The following SERINC5 variants were observed in gnomAD, a reference collection of about 807,000 sequenced individuals.
SERINC5 encodes serine incorporator 5.
SERINC5 carries 41 observed loss-of-function variants against 63.1 expected under a neutral mutation model. The observed-to-expected ratio is 0.65, with a 90% CI of 0.51 to 0.84. The LOEUF (loss-of-function observed/expected upper bound fraction) is 0.84. SERINC5 is among the 40% of genes least tolerant of loss of function. The pLI is 0.00. For missense variants in SERINC5, 523 were observed against 573.0 expected, an observed-to-expected ratio of 0.91 and a Z score of 0.89; for synonymous variants, 222 against 215.2, an observed-to-expected ratio of 1.03 and a Z score of -0.28.
At chr5:80,242,007 T>C (rs954490771) in intron 1 of SERINC5, among the ~76,000 whole-genome samples, 3 of 151,464 alleles carry the variant, frequency 2.0e-5, no homozygotes. Context: ...GATGCATATC[T>C]GTAGTCCTAG....
rs375595897 is a variant in SERINC5, at chr5:80,255,906, C to T, written c.17G>A (p.Cys6Tyr). The change falls in exon 1 of 12, where the codon TGT (cysteine) becomes TAT (tyrosine). Residue 6 changes from cysteine to tyrosine, a missense_variant. Physicochemically the swap from Cys to Tyr is radical, Grantham distance 194. Transcript: ENST00000507668. Reference sequence around the variant, plus strand: ...CCCGGCCTCGCTCACCTGGCCCGCACAGCACTGAGCTGACATCGCGGCGGC... The same window carrying T: ...CCCGGCCTCGCTCACCTGGCCCGCATAGCACTGAGCTGACATCGCGGCGGC... MSAQC[C>Y]AGQLACCCGS... 1.3e-6 allele frequency: 2 copies of T among 1,577,898 alleles called. No individual in the cohort carries two copies. The highest frequency in any genetic ancestry group is 1.7e-6 in the Non-Finnish European group (2 of 1,168,650).
At chr5:80,254,282 C>T (rs1752550220) in intron 1 of SERINC5, among the ~76,000 whole-genome samples, 1 of 152,182 alleles carries the variant, frequency 6.6e-6, no homozygotes, top group South Asian at 2.1e-4. Flanking sequence ...AGTGTGATCA[C>T]CATCACACAG....
chr5:80,219,473 T>C (rs1468055793), intron 1 of SERINC5, among the ~76,000 whole-genome samples: 1 of 152,180 alleles, frequency 6.6e-6, no homozygotes, highest in African/African-American at 2.4e-5. Flanking sequence ...AAGGAACGAA[T>C]AGGTGTGTGC....
chr5:80,149,480 C>A (rs558888767), intron 9 of SERINC5, among the ~76,000 whole-genome samples: 3 of 152,324 alleles, frequency 2.0e-5, no homozygotes, highest in South Asian at 4.1e-4. Flanking sequence ...ATGCCCATAT[C>A]TAGACAGACA....
chr5:80,177,714 T>G (rs1442885373), intron 3 of SERINC5, among the ~76,000 whole-genome samples, 172 bp downstream of exon 3: 1 of 152,152 alleles, frequency 6.6e-6, no homozygotes, highest in Non-Finnish European at 1.5e-5. Context: ...ACAAATAAGA[T>G]TCTACCTTTG....
intron 10 of SERINC5, among the ~76,000 whole-genome samples, chr5:80,146,912 T>C (rs777039060): frequency 2.0e-4 from 31 of 152,212 alleles, no homozygotes; most frequent in Non-Finnish European, 4.1e-4. Flanking sequence ...AGGAATGAAA[T>C]GGCCCCAAAA....
chr5:80,143,916 T>C, intron 11 of SERINC5, 106 bp from the exon 12 acceptor site: 1 of 1,294,718 alleles, frequency 7.7e-7, no homozygotes, highest in Non-Finnish European at 1.1e-6. Context: ...TTTCAATGTA[T>C]TCATACACAG....
Position 80,138,785 on chromosome 5 carries a change from T to C in SERINC5, c.*4878A>G. On this transcript the variant is annotated 3_prime_UTR_variant, in exon 12 of 12. Transcript: ENST00000507668. The stretch of plus-strand genomic sequence containing the variant: ...AATTAAAGGATCAGCATAGACTCCA[T>C]GAAACTTGAGAGACCTGATTAACAT... 1.0e-6 allele frequency: 1 copy of C among 982,240 alleles called. No individual in the cohort carries two copies. The highest frequency in any genetic ancestry group is 1.2e-6 in the Non-Finnish European group (1 of 827,024). The allele number at this position is 982,240 out of a possible 1,614,324, so 60.8% of individuals were successfully genotyped here. A position where few individuals can be genotyped will look rare whatever the true frequency, so the allele number is the denominator to read the frequency against.
downstream of SERINC5, among the ~76,000 whole-genome samples, chr5:80,135,636 T>C (rs1745140124): frequency 6.6e-6 from 1 of 152,030 alleles, no homozygotes; most frequent in Non-Finnish European, 1.5e-5. Context: ...TCAAGTAAAG[T>C]AAGGACGATG....
At chr5:80,121,844 G>A (rs150032651) in intron 11 of SERINC5, among the ~76,000 whole-genome samples, 145 of 152,076 alleles carry the variant, frequency 9.5e-4, no homozygotes, top group African/African-American at 3.4e-3. Flanking sequence ...TAGCTCTCAT[G>A]TGAACTTAAT....
intron 8 of SERINC5, among the ~76,000 whole-genome samples, chr5:80,154,174 T>C (rs560784941): frequency 6.6e-6 from 1 of 152,212 alleles, no homozygotes; most frequent in African/African-American, 2.4e-5. Flanking sequence ...GATTTCTTTT[T>C]CTTTCTTTCC....
At chr5:80,137,468 G>A (rs529155530), downstream of SERINC5, among the ~76,000 whole-genome samples, 4 of 151,328 alleles carry the variant, frequency 2.6e-5, no homozygotes, top group Non-Finnish European at 4.4e-5. Flanking sequence ...GTGAAACCCC[G>A]TCTCTACTAA....
rs190081965 is a variant in SERINC5 at position 80,224,208 on chromosome 5, C to A, written c.28-21155G>T. ...GGGCACAGTGGCTTATCCCTGTAAT[C>A]CCAGCACTTTGGGAGGCTGAGGCGA... On this transcript the variant is annotated intron_variant, in intron 1 of 11. Transcript: ENST00000507668. Among the ~76,000 whole-genome samples, 11 of 151,582 alleles carry A rather than the reference C, an allele frequency of 7.3e-5. No homozygotes were observed. In the East Asian group the frequency reaches 2.1e-3, roughly 30 times the overall value.
intron 6 of SERINC5, among the ~76,000 whole-genome samples, chr5:80,168,413 C>A (rs185474747): frequency 6.6e-6 from 1 of 152,196 alleles, no homozygotes; most frequent in South Asian, 2.1e-4. Flanking sequence ...GTTGGCCAGG[C>A]TAGTCTTGAA....
intron 7 of SERINC5, 59 bp from the exon 8 acceptor site, chr5:80,159,021 G>T: frequency 7.5e-6 from 12 of 1,592,242 alleles, no homozygotes; most frequent in Non-Finnish European, 1.0e-5. Flanking sequence ...GTAACGCACA[G>T]AAGCACTCAT....
At chr5:80,253,695 C>T (rs1197070144) in intron 1 of SERINC5, among the ~76,000 whole-genome samples, 3 of 152,150 alleles carry the variant, frequency 2.0e-5, no homozygotes, top group Non-Finnish European at 2.9e-5. Flanking sequence ...CAGACTCCCT[C>T]GGCAACCCTC....
At chr5:80,175,904 C>T (rs1031586262) in intron 4 of SERINC5, among the ~76,000 whole-genome samples, 32 of 148,816 alleles carry the variant, frequency 2.2e-4, no homozygotes, top group African/African-American at 3.8e-4. Context: ...CTTGGCCGGC[C>T]GCAGTGGCTC....
chr5:80,199,586 C>T (rs1561419076), intron 2 of SERINC5, among the ~76,000 whole-genome samples: 1 of 152,162 alleles, frequency 6.6e-6, no homozygotes, highest in Non-Finnish European at 1.5e-5. Context: ...CTTCATGGGG[C>T]AGGTTACTTG....
chr5:80,138,780 C>T lies in SERINC5; in HGVS notation c.*4883G>A. The T allele has an allele frequency of 1.0e-6, 1 of 978,606 alleles. No individual in the cohort carries two copies. 60.6% of individuals were successfully genotyped at this position (978,606 alleles called of 1,614,324 possible). A position where few individuals can be genotyped will look rare whatever the true frequency, so the allele number is the denominator to read the frequency against. ...TTGTCAATTAAAGGATCAGCATAGA[C>T]TCCATGAAACTTGAGAGACCTGATT... On this transcript the variant is annotated 3_prime_UTR_variant, in exon 12 of 12. Transcript: ENST00000507668.
Sources: allele counts gnomAD v4.1 joint callset (sites outside exome capture counted in the v4.1 genomes callset), GRCh38; gene constraint gnomAD v4.1.1; transcripts MANE v1.5; gene names NCBI Gene and HGNC (gene_info 2026-07-23, HGNC 2026-07-21).